Variants in BDNF observed in about 807,000 individuals in gnomAD.
BDNF encodes brain derived neurotrophic factor.
In BDNF, 1 loss-of-function variant was observed where a neutral mutation model predicts 19.5. That is an observed-to-expected ratio of 0.05 (90% confidence interval 0.02 to 0.24). BDNF has a LOEUF of 0.24. Among genes scored for constraint, BDNF ranks in the 10% least tolerant of loss-of-function variants. BDNF has a pLI of 1.00. For synonymous variants in BDNF, 100 were observed against 121.6 expected (o/e 0.82, Z 1.17); for missense variants, 195 against 317.6 (o/e 0.61, Z 2.93).
intron 1 of BDNF, among the ~76,000 whole-genome samples, chr11:27,688,405 C>A (rs763622819): frequency 6.6e-6 from 1 of 152,164 alleles, no homozygotes; most frequent in Non-Finnish European, 1.5e-5. Flanking sequence ...AGCCCCTTTC[C>A]GGGGGAGTGA....
intron 1 of BDNF, among the ~76,000 whole-genome samples, chr11:27,660,801 A>G (rs1003378639): frequency 1.3e-5 from 2 of 151,968 alleles, no homozygotes; most frequent in Admixed American, 6.6e-5. Flanking sequence ...TTAATGAACT[A>G]TAGTTTAATA....
chr11:27,701,694 G>T, upstream of BDNF: 1 of 849,790 alleles, frequency 1.2e-6, no homozygotes, highest in Non-Finnish European at 1.4e-6. Flanking sequence ...TACCTCCGCT[G>T]CCTCGAAATA....
Position 27,657,285 on chromosome 11 carries a change from A to G in BDNF, c.*536T>C, listed in dbSNP as rs895056642. 4.1e-6 allele frequency: 4 copies of G among 987,144 alleles called. No individual in the cohort carries two copies. The highest frequency in any genetic ancestry group is 3.6e-6 in the Non-Finnish European group (3 of 830,882). The allele number at this position is 987,144 out of a possible 1,614,324, so 61.1% of individuals were successfully genotyped here. A position where few individuals can be genotyped will look rare whatever the true frequency, so the allele number is the denominator to read the frequency against. ...CAAAACAAACAAAAATATACCCCCC[A>G]TCCCCCATCCCCTAAGCCAGTAAAG... On this transcript the variant is annotated 3_prime_UTR_variant, in exon 2 of 2. Transcript: ENST00000356660. The surrounding 1 kb of genome is among the most constrained non-coding windows in gnomAD (Gnocchi z 5.0).
rs541515206 is a variant in BDNF at position 27,721,191 on chromosome 11, C to T, written c.3+221G>A. 1.1e-4 allele frequency among the ~76,000 whole-genome samples: 16 copies of T among 151,934 alleles called. No individual in the cohort carries two copies. The South Asian group carries it at 1.9e-3, about 18-fold the overall frequency. ...CCTTGAACAACCAATATAACACACACCCCCCCACCCAGCTCCAAGTTTGTT... is the reference window on the plus strand; with the variant it reads ...CCTTGAACAACCAATATAACACACATCCCCCCACCCAGCTCCAAGTTTGTT... On this transcript the variant is annotated intron_variant, in intron 1 of 1. Transcript: ENST00000314915.
chr11:27,695,568 A>G (rs560035754), intron 1 of BDNF, among the ~76,000 whole-genome samples: 149 of 152,164 alleles, frequency 9.8e-4, no homozygotes, highest in Non-Finnish European at 1.9e-3. Context: ...CAAAATCAGG[A>G]CATTACTACC....
chr11:27,664,340 C>G (rs1238272356), intron 1 of BDNF, among the ~76,000 whole-genome samples: 1 of 150,722 alleles, frequency 6.6e-6, no homozygotes. Context: ...ACTTTCCAGT[C>G]TTACTTACCT....
Position 27,656,537 on chromosome 11 carries a change from A to G in BDNF, c.*1284T>C. 1 of 985,420 alleles carries G rather than the reference A, an allele frequency of 1.0e-6. No individual in the cohort carries two copies. The highest frequency in any genetic ancestry group is 4.7e-5 in the South Asian group (1 of 21,256). 61.0% of individuals were successfully genotyped at this position (985,420 alleles called of 1,614,324 possible). A position where few individuals can be genotyped will look rare whatever the true frequency, so the allele number is the denominator to read the frequency against. On this transcript the variant is annotated 3_prime_UTR_variant, in exon 2 of 2. Coordinates refer to ENST00000356660, the MANE Select transcript of BDNF (RefSeq NM_001709.5). ...GCCCCACCTCCACCTAGACCTTGGG[A>G]TGGCCACTCAGAAATTCCTCCCGCA...
intron 1 of BDNF, among the ~76,000 whole-genome samples, chr11:27,712,455 A>G (rs1860365519): frequency 6.6e-6 from 1 of 152,168 alleles, no homozygotes; most frequent in African/African-American, 2.4e-5. Context: ...AAATGTTTTT[A>G]TAACTGTACA....
At chr11:27,698,736 G>A (rs1234461837) in intron 1 of BDNF, among the ~76,000 whole-genome samples, 4 of 152,092 alleles carry the variant, frequency 2.6e-5, no homozygotes, top group African/African-American at 9.7e-5. Flanking sequence ...ATTACTAGGA[G>A]GATTAATAAA....
chr11:27,668,957 AAAAG>A (rs150231037), intron 1 of BDNF, among the ~76,000 whole-genome samples: 1 of 152,320 alleles, frequency 6.6e-6, no homozygotes, highest in East Asian at 1.9e-4. Flanking sequence ...ACACAACAAA[AAAAG>A]AGAATTTCAG....
At chr11:27,705,208 A>C (rs888750083), upstream of BDNF, among the ~76,000 whole-genome samples, 2 of 152,248 alleles carry the variant, frequency 1.3e-5, no homozygotes, top group Non-Finnish European at 2.9e-5. Context: ...ATAGTTCTAT[A>C]AGCGTGGTCA....
At chr11:27,685,389 C>G (rs1011700921) in intron 1 of BDNF, among the ~76,000 whole-genome samples, 4 of 152,112 alleles carry the variant, frequency 2.6e-5, no homozygotes, top group Non-Finnish European at 5.9e-5. Context: ...TTTTGTGTCT[C>G]TAATCTCCTT....
chr11:27,713,102 T>C (rs1860401786), intron 1 of BDNF, among the ~76,000 whole-genome samples: 1 of 151,932 alleles, frequency 6.6e-6, no homozygotes, highest in South Asian at 2.1e-4. Flanking sequence ...TTTTGCCATG[T>C]TGGCCAGGCT....
chr11:27,697,056 G>T (rs1249348852), intron 1 of BDNF, among the ~76,000 whole-genome samples: 1 of 151,892 alleles, frequency 6.6e-6, no homozygotes, highest in Non-Finnish European at 1.5e-5. Context: ...CTACGATTGA[G>T]ACCCAAAGCT....
Position 27,656,949 on chromosome 11 carries a change from A to G in BDNF, c.*872T>C. 1 of 985,336 alleles carries G rather than the reference A, an allele frequency of 1.0e-6. No individual in the cohort carries two copies. Among genetic ancestry groups the G allele is most frequent in the East Asian group, 1.1e-4 (1 of 8,808 alleles). The allele number at this position is 985,336 out of a possible 1,614,324, so 61.0% of individuals were successfully genotyped here. The stretch of plus-strand genomic sequence containing the variant: ...CTTAAAACAAAACAAAGAGGAGACC[A>G]GAGGGGGAGGGGGGGAAAGAATGTG... On this transcript the variant is annotated 3_prime_UTR_variant, in exon 2 of 2. Transcript: ENST00000356660.
chr11:27,691,140 GGT>G (rs1858214961), intron 1 of BDNF: 1 of 152,170 alleles, frequency 6.6e-6, no homozygotes, highest in South Asian at 2.1e-4. Flanking sequence ...AAAAAAGAGA[GGT>G]AAGTTATTCC....
In BDNF at chr11:27,720,923, T is replaced by G. The variant is rs1028075015; in HGVS notation, c.3+489A>C. The G allele has an allele frequency of 4.2e-4, 149 of 351,882 alleles. 1 individual carries two copies. Among genetic ancestry groups the G allele is most frequent in the Non-Finnish European group, 5.8e-4 (142 of 245,580 alleles). The allele number at this position is 351,882 out of a possible 1,614,324, so 21.8% of individuals were successfully genotyped here. On this transcript the variant is annotated intron_variant, in intron 1 of 1. Transcript: ENST00000314915. ...ACCCATTACCGGTGATATGCACTTC[T>G]GACTTATTTCTCTCCCCCCAACCCC...
chr11:27,688,848 C>T (rs1465317529), intron 1 of BDNF, among the ~76,000 whole-genome samples: 3 of 152,212 alleles, frequency 2.0e-5, no homozygotes, highest in African/African-American at 7.2e-5. Context: ...TGCAGCTGTT[C>T]CTATTTGCCA....
At chr11:27,705,078 G>T (rs1860057249), upstream of BDNF, among the ~76,000 whole-genome samples, 1 of 152,182 alleles carries the variant, frequency 6.6e-6, no homozygotes. Flanking sequence ...TTAAGAAACT[G>T]TTGAGACTAA....
Sources: gnomAD v4.1 joint callset for allele counts (sites outside exome capture counted in the v4.1 genomes callset) on GRCh38, gnomAD v4.1.1 for gene constraint, Gnocchi (gnomAD v3.1) non-coding constraint, MANE v1.5 for transcripts, NCBI Gene and HGNC (gene_info 2026-07-23, HGNC 2026-07-21) for gene names.